Variants in KMT2A observed in about 807,000 individuals in gnomAD.
KMT2A encodes lysine methyltransferase 2A, also known as histone-lysine N-methyltransferase 2A.
Under a neutral mutation model 345.3 loss-of-function variants are expected in KMT2A, and 16 were observed. That is an observed-to-expected ratio of 0.05 (90% confidence interval 0.03 to 0.07). KMT2A has a LOEUF of 0.07. KMT2A is among the 10% of genes least tolerant of loss of function. The pLI is 1.00. For synonymous variants in KMT2A, 1,599 were observed against 1,778.6 expected (o/e 0.90, Z 2.54); for missense variants, 3,272 against 4,841.6 (o/e 0.68, Z 9.62).
chr11:118,474,013 G>C lies in KMT2A; in HGVS notation c.2854G>C (p.Asp952His). The change falls in exon 3 of 36, where the codon GAT becomes CAT. Residue 952 changes from aspartate (D) to histidine (H), a missense_variant. By Grantham distance (81) the Asp-to-His change is moderately conservative. Coordinates refer to ENST00000534358, the MANE Select transcript of KMT2A (RefSeq NM_001197104.2). ...TGATATTACTTCTGTGACTCTTGGG[G>C]ATACAACAGCTGTCAAAACCAAAAT... The part of the protein sequence containing the change: ...GTDITSVTLG[D>H]TTAVKTKILI... 1 of 1,613,860 alleles carries C rather than the reference G, an allele frequency of 6.2e-7. No individual in the cohort carries two copies. The highest frequency in any genetic ancestry group is 8.5e-7 in the Non-Finnish European group (1 of 1,179,916).
chr11:118,512,565 A>G (rs543929068), intron 31 of KMT2A, among the ~76,000 whole-genome samples: 3 of 151,950 alleles, frequency 2.0e-5, no homozygotes, highest in African/African-American at 4.8e-5. Flanking sequence ...GGTTTTTTCT[A>G]TTTTCTGCTA....
rs963037297 is a variant in KMT2A at position 118,522,238 on chromosome 11, C to A, written c.*66C>A. 7.6e-5 allele frequency: 120 copies of A among 1,570,744 alleles called. No homozygotes were observed. Among genetic ancestry groups the A allele is most frequent in the Non-Finnish European group, 9.6e-5 (111 of 1,151,882 alleles). ...GGCCATCCAAAGCAACGCTGAAGGCCTTTTCCAGCAGCTGGGAGCTCCCGG... is the reference window on the plus strand; with the variant it reads ...GGCCATCCAAAGCAACGCTGAAGGCATTTTCCAGCAGCTGGGAGCTCCCGG... On this transcript the variant is annotated 3_prime_UTR_variant, in exon 36 of 36. Coordinates refer to ENST00000534358, the MANE Select transcript of KMT2A (RefSeq NM_001197104.2). The surrounding 1 kb of genome is among the most constrained non-coding windows in gnomAD (Gnocchi z 5.4).
intron 30 of KMT2A, 67 bp from the exon 31 acceptor site, chr11:118,511,884 T>A (rs753313583): frequency 1.4e-4 from 164 of 1,194,178 alleles, no homozygotes; most frequent in Non-Finnish European, 1.9e-4. Flanking sequence ...CTTGTGCACA[T>A]CATTGGTATT....
At position 118,494,200 on chromosome 11, in the gene KMT2A, T is replaced by A; in HGVS notation, c.5179-88T>A. ...TAGGGTGTGAGTTTTCTGTTGGATC[T>A]CTGTGCTGGATGATTAAGGAGGGAA... On this transcript the variant is annotated intron_variant, in intron 16 of 35. Transcript: ENST00000534358. The surrounding 1 kb of genome is among the most constrained non-coding windows in gnomAD (Gnocchi z 5.8). 1 of 713,970 alleles carries A rather than the reference T, an allele frequency of 1.4e-6. No individual in the cohort carries two copies. The highest frequency in any genetic ancestry group is 1.6e-5 in the South Asian group (1 of 61,072). 44.2% of individuals were successfully genotyped at this position (713,970 alleles called of 1,614,324 possible).
Position 118,505,826 on chromosome 11 carries a change from A to T in KMT2A, c.9934A>T (p.Thr3312Ser). Residue 3312 changes from threonine to serine, a missense_variant, in exon 27 of 36, where the codon ACT (threonine) becomes TCT (serine). Thr to Ser is a moderately conservative substitution (Grantham distance 58, BLOSUM62 1). This residue lies in a region of KMT2A where 748 missense variants were observed against 922.2 expected (regional missense o/e 0.81). Coordinates refer to ENST00000534358, the MANE Select transcript of KMT2A (RefSeq NM_001197104.2). The surrounding 1 kb of genome is among the most constrained non-coding windows in gnomAD (Gnocchi z 4.6). ...APLLPQSVGG[T>S]AATAAGTSTI... ...CCTGTTACCACAGAGTGTGGGAGGA[A>T]CTGCTGCCACAGCGGCAGGCACATC... The T allele has an allele frequency of 6.2e-7, 1 of 1,614,098 alleles. No individual in the cohort carries two copies. The highest frequency in any genetic ancestry group is 1.3e-5 in the African/African-American group (1 of 75,032).
chr11:118,524,271 G>A lies in KMT2A; in HGVS notation c.*2099G>A. 1 of 185,058 alleles carries A rather than the reference G, an allele frequency of 5.4e-6. No individual in the cohort carries two copies. The allele number at this position is 185,058 out of a possible 1,614,324, so 11.5% of individuals were successfully genotyped here. ...CTCTGCCACAAGGTTTCAGAGTAGT[G>A]TAGTCCAAGTAGAGGGTGGGGCACC... On this transcript the variant is annotated 3_prime_UTR_variant, in exon 36 of 36. Coordinates refer to ENST00000534358, the MANE Select transcript of KMT2A (RefSeq NM_001197104.2).
intron 4 of KMT2A, among the ~76,000 whole-genome samples, chr11:118,477,498 C>T (rs1449438821): frequency 2.1e-3 from 117 of 56,888 alleles, no homozygotes; most frequent in Admixed American, 4.1e-3. Flanking sequence ...AAGTTATTGG[C>T]TTTTTTTTTT....
chr11:118,521,370 A>G lies in KMT2A; in HGVS notation c.11596A>G (p.Ile3866Val), dbSNP rs1950964924. 1 of 1,613,996 alleles carries G rather than the reference A, an allele frequency of 6.2e-7. No individual in the cohort carries two copies. The highest frequency in any genetic ancestry group is 1.7e-5 in the Admixed American group (1 of 59,988). The change falls in exon 35 of 36, where the codon ATC becomes GTC. Residue 3866 changes from isoleucine (I) to valine (V), a missense_variant. Transcript: ENST00000534358. The surrounding 1 kb of genome is among the most constrained non-coding windows in gnomAD (Gnocchi z 5.3). ...GGTGATTGAGTATGCCGGCAACGTC[A>G]TCCGCTCCATCCAGACTGACAAGCG... is the stretch of plus-strand genomic sequence containing the variant. ...EMVIEYAGNV[I>V]RSIQTDKREK...
intron 1 of KMT2A, among the ~76,000 whole-genome samples, chr11:118,468,222 G>T (rs1466124817): frequency 6.6e-6 from 1 of 152,118 alleles, no homozygotes; most frequent in Non-Finnish European, 1.5e-5. Context: ...TAAAATGCAT[G>T]TTGAGACTCT....
chr11:118,463,532 C>T (rs1228231592), intron 1 of KMT2A, among the ~76,000 whole-genome samples: 2 of 152,178 alleles, frequency 1.3e-5, no homozygotes, highest in Non-Finnish European at 2.9e-5. Context: ...GTGACTTTTA[C>T]AGTAGCTAAA....
rs1422055918 is a variant in KMT2A, at chr11:118,436,983, C to G, written c.432+39C>G. On this transcript the variant is annotated intron_variant, in intron 1 of 35. Coordinates refer to ENST00000534358, the MANE Select transcript of KMT2A (RefSeq NM_001197104.2). This position sits in a 1 kb window ranked among gnomAD's most constrained non-coding sequence, Gnocchi z 6.9. ...GAACCCCCAGGTCCGGGGTCTCGAC[C>G]CTCTGCGGAGCCCCCTCCCCTCCCC... 7.2e-7 allele frequency: 1 copy of G among 1,389,676 alleles called. No individual in the cohort carries two copies. The highest frequency in any genetic ancestry group is 1.5e-5 in the African/African-American group (1 of 66,936). The allele number at this position is 1,389,676 out of a possible 1,614,324, so 86.1% of individuals were successfully genotyped here.
intron 1 of KMT2A, among the ~76,000 whole-genome samples, chr11:118,454,926 TAAACTATTGCCTTAGAG>T (rs1324513705): frequency 6.6e-6 from 1 of 152,080 alleles, no homozygotes; most frequent in African/African-American, 2.4e-5. Flanking sequence ...CAGTCTTCGG[TAAACTATTGCCTTAGAG>T]AAGCCTTTCC....
intron 31 of KMT2A, among the ~76,000 whole-genome samples, chr11:118,513,709 T>C (rs782821114): frequency 6.6e-6 from 1 of 151,894 alleles, no homozygotes; most frequent in Non-Finnish European, 1.5e-5. Context: ...CTTGGGAGGA[T>C]TGTTTGAGTC....
Position 118,497,813 on chromosome 11 carries a change from C to A in KMT2A, c.5665-123C>A. ...AAAAAGAATTCTGATTTCTGTGTGC[C>A]TCCCTCCATTAAAGAATTATAGTTG... On this transcript the variant is annotated intron_variant, in intron 20 of 35. Coordinates refer to ENST00000534358, the MANE Select transcript of KMT2A (RefSeq NM_001197104.2). This position sits in a 1 kb window ranked among gnomAD's most constrained non-coding sequence, Gnocchi z 4.8. 1 of 680,460 alleles carries A rather than the reference C, an allele frequency of 1.5e-6. No individual in the cohort carries two copies. The highest frequency in any genetic ancestry group is 2.5e-6 in the Non-Finnish European group (1 of 398,598). 42.2% of individuals were successfully genotyped at this position (680,460 alleles called of 1,614,324 possible). A position where few individuals can be genotyped will look rare whatever the true frequency, so the allele number is the denominator to read the frequency against.
intron 1 of KMT2A, among the ~76,000 whole-genome samples, chr11:118,461,428 C>A (rs782385017): frequency 2.0e-5 from 3 of 152,156 alleles, no homozygotes; most frequent in Non-Finnish European, 2.9e-5. Context: ...TCACTGGAAG[C>A]TAAATATGAG....
intron 3 of KMT2A, among the ~76,000 whole-genome samples, chr11:118,475,969 G>C (rs570231000): frequency 3.9e-5 from 6 of 151,928 alleles, no homozygotes; most frequent in Admixed American, 2.6e-4. Context: ...GCAATGGCGT[G>C]ATCTTGGCTC....
At position 118,473,476 on chromosome 11, in the gene KMT2A, C is replaced by A. The variant is rs199922480; in HGVS notation, c.2317C>A (p.Pro773Thr). The change falls in exon 3 of 36, where the codon CCG becomes ACG. Residue 773 changes from proline (P) to threonine (T), a missense_variant. Pro to Thr is a conservative substitution (Grantham distance 38, BLOSUM62 -1). Around this residue, in one of 27 missense-constraint regions of KMT2A, gnomAD observed 209 missense variants for 237.4 expected, o/e 0.88. Transcript: ENST00000534358. The surrounding 1 kb of genome is among the most constrained non-coding windows in gnomAD (Gnocchi z 5.2). Reference sequence around the variant, plus strand: ...TTCTGAGCTCTCACCTCTCACCCCCCCGTCTTCTGTCTCTTCCTCGTTAAG... The same window carrying A: ...TTCTGAGCTCTCACCTCTCACCCCCACGTCTTCTGTCTCTTCCTCGTTAAG... ...SSSELSPLTP[P>T]SSVSSSLSIS... 6.2e-7 allele frequency: 1 copy of A among 1,614,080 alleles called. No homozygotes were observed. Among genetic ancestry groups the A allele is most frequent in the Non-Finnish European group, 8.5e-7 (1 of 1,180,044 alleles).
chr11:118,460,384 G>T (rs1404406438), intron 1 of KMT2A, among the ~76,000 whole-genome samples: 1 of 150,666 alleles, frequency 6.6e-6, no homozygotes, highest in Non-Finnish European at 1.5e-5. Context: ...CGTCCCCCAG[G>T]CTCAGGGATC....
In KMT2A at chr11:118,499,866, A is replaced by G. The variant is rs2134374601; in HGVS notation, c.6111A>G (p.Leu2037=). The change falls in exon 24 of 36, where the codon CTA becomes CTG. Residue 2037 remains leucine, a synonymous_variant. Coordinates refer to ENST00000534358, the MANE Select transcript of KMT2A (RefSeq NM_001197104.2). ...GSMTIDCLGI[L]NDLSDCEDKL... ...TGACAATCGACTGCTTAGGAATTCTAAATGATCTCTCCGACTGTGAAGATA... is the reference window on the plus strand; with the variant it reads ...TGACAATCGACTGCTTAGGAATTCTGAATGATCTCTCCGACTGTGAAGATA... 6 of 1,612,692 alleles carry G rather than the reference A, an allele frequency of 3.7e-6. No individual in the cohort carries two copies. Among genetic ancestry groups the G allele is most frequent in the Middle Eastern group, 1.7e-4 (1 of 6,058 alleles).
Sources: allele counts gnomAD v4.1 joint callset (sites outside exome capture counted in the v4.1 genomes callset), GRCh38; gene constraint gnomAD v4.1.1; regional missense constraint gnomAD v4.1.1; non-coding constraint Gnocchi (gnomAD v3.1); transcripts MANE v1.5; gene names NCBI Gene and HGNC (gene_info 2026-07-23, HGNC 2026-07-21).